The following TMC1 variants were observed in gnomAD, a reference collection of about 807,000 sequenced individuals.
TMC1 encodes transmembrane channel-like protein 1.
TMC1 carries 84 observed loss-of-function variants against 105.8 expected under a neutral mutation model. The observed-to-expected ratio is 0.79, with a 90% CI of 0.67 to 0.95. The LOEUF (loss-of-function observed/expected upper bound fraction) is 0.95. Ranked by LOEUF, TMC1 falls within the 40% of genes least tolerant of loss-of-function variation. The probability of loss-of-function intolerance (pLI) is 0.00; values close to 1 mark genes in which losing one functional copy is unlikely to be tolerated. For synonymous variants in TMC1, 315 were observed against 311.5 expected, an observed-to-expected ratio of 1.01 and a Z score of -0.12; for missense variants, 817 against 914.1, an observed-to-expected ratio of 0.89 and a Z score of 1.37.
At chr9:72,686,147 A>G (rs111677447) in intron 5 of TMC1, among the ~76,000 whole-genome samples, 4 of 152,278 alleles carry the variant, frequency 2.6e-5, no homozygotes, top group African/African-American at 9.6e-5. Context: ...ACATACTTCA[A>G]TGCAGTTTTG....
intron 1 of TMC1, among the ~76,000 whole-genome samples, chr9:72,522,926 T>TA (rs1823340605): frequency 6.6e-6 from 1 of 152,202 alleles, no homozygotes; most frequent in Non-Finnish European, 1.5e-5. Flanking sequence ...GTAGGATGTT[T>TA]AGCAGCATCC....
Position 72,688,825 on chromosome 9 carries a change from CT to C in TMC1, c.64+71del. The stretch of plus-strand genomic sequence containing the variant: ...CCAGTAAACTCAAAGAATTTATCCT[CT>C]TGTGGACTTGAGCTACCATATGTAA... On this transcript the variant is annotated intron_variant, in intron 6 of 23. Coordinates refer to ENST00000297784, the MANE Select transcript of TMC1 (RefSeq NM_138691.3). 3.0e-6 allele frequency: 4 copies of C among 1,311,988 alleles called. No homozygotes were observed. The South Asian group carries it at 4.9e-5, about 16-fold the overall frequency. 81.3% of individuals were successfully genotyped at this position (1,311,988 alleles called of 1,614,324 possible). A position where few individuals can be genotyped will look rare whatever the true frequency, so the allele number is the denominator to read the frequency against.
chr9:72,786,179 C>T (rs1005476440), intron 13 of TMC1, among the ~76,000 whole-genome samples: 5 of 152,194 alleles, frequency 3.3e-5, no homozygotes, highest in African/African-American at 9.7e-5. Flanking sequence ...GGCGCGGTGG[C>T]TCACGCCTGT....
chr9:72,603,603 A>T (rs138293833), intron 2 of TMC1, among the ~76,000 whole-genome samples: 45 of 152,144 alleles, frequency 3.0e-4, no homozygotes, highest in East Asian at 2.9e-3. Flanking sequence ...TCTGTTGCCC[A>T]CAGTGGCGCG....
intron 8 of TMC1, among the ~76,000 whole-genome samples, chr9:72,725,938 C>A (rs987369669): frequency 1.3e-5 from 2 of 152,156 alleles, no homozygotes; most frequent in African/African-American, 4.8e-5. Context: ...GATCCACCCG[C>A]CTCAGCCTCC....
At chr9:72,696,849 T>A (rs189148190) in intron 7 of TMC1, among the ~76,000 whole-genome samples, 69 of 152,298 alleles carry the variant, frequency 4.5e-4, no homozygotes, top group African/African-American at 1.7e-3. Context: ...ATATCAAACT[T>A]AAGATAGAAA....
At chr9:72,566,095 C>T (rs1308663042) in intron 1 of TMC1, among the ~76,000 whole-genome samples, 1 of 152,188 alleles carries the variant, frequency 6.6e-6, no homozygotes, top group African/African-American at 2.4e-5. Context: ...AATGGCATGA[C>T]CATAGCTCAT....
chr9:72,554,726 G>A (rs1481889489), intron 1 of TMC1, among the ~76,000 whole-genome samples: 1 of 152,026 alleles, frequency 6.6e-6, no homozygotes, highest in African/African-American at 2.4e-5. Flanking sequence ...AAAATAAGGG[G>A]GTTGGATCGT....
chr9:72,653,507 T>C (rs990291833), intron 5 of TMC1, among the ~76,000 whole-genome samples: 10 of 152,220 alleles, frequency 6.6e-5, no homozygotes, highest in Non-Finnish European at 1.3e-4. Flanking sequence ...TGTTGATACA[T>C]CTAACAATGT....
intron 12 of TMC1, among the ~76,000 whole-genome samples, chr9:72,767,354 G>T: frequency 6.6e-6 from 1 of 152,292 alleles, no homozygotes; most frequent in East Asian, 1.9e-4. Flanking sequence ...GGGATAGAGT[G>T]TTATCTTTCA....
Position 72,772,557 on chromosome 9 carries a change from T to C in TMC1, c.884+2T>C. 6.2e-7 allele frequency: 1 copy of C among 1,613,810 alleles called. No individual in the cohort carries two copies. Among genetic ancestry groups the C allele is most frequent in the Non-Finnish European group, 8.5e-7 (1 of 1,179,718 alleles). ...CAGCTTTCTGGTTGTCCTCAAAGCG[T>C]AAGTTTCATTTGTCTTTTGGGAAGC... is the stretch of plus-strand genomic sequence containing the variant. On this transcript the variant is annotated splice_donor_variant, in intron 13 of 23. Transcript: ENST00000297784. LOFTEE classifies it high-confidence loss of function.
At chr9:72,589,958 C>A (rs1034576640) in intron 2 of TMC1, among the ~76,000 whole-genome samples, 1 of 152,100 alleles carries the variant, frequency 6.6e-6, no homozygotes, top group African/African-American at 2.4e-5. Flanking sequence ...TCCAATGTTG[C>A]CCCTGTGTTT....
chr9:72,813,146 T>C (rs1402304811), intron 18 of TMC1, among the ~76,000 whole-genome samples: 1 of 152,162 alleles, frequency 6.6e-6, no homozygotes, highest in African/African-American at 2.4e-5. Flanking sequence ...TTCAAGAGAA[T>C]CTGTTTTTTT....
intron 12 of TMC1, among the ~76,000 whole-genome samples, chr9:72,758,454 A>C (rs906948882): frequency 7.2e-5 from 11 of 152,240 alleles, no homozygotes; most frequent in Non-Finnish European, 1.5e-4. Context: ...AAAAGAATAA[A>C]GCCAAGTAGT....
At chr9:72,710,607 A>T (rs1160752422) in intron 8 of TMC1, among the ~76,000 whole-genome samples, 1 of 151,902 alleles carries the variant, frequency 6.6e-6, no homozygotes, top group African/African-American at 2.4e-5. Context: ...CCCTCTTTGT[A>T]TTTTTTAACT....
intron 10 of TMC1, 81 bp downstream of exon 10, chr9:72,742,606 TCTGGA>T: frequency 8.3e-7 from 1 of 1,211,790 alleles, no homozygotes; most frequent in Non-Finnish European, 1.2e-6. Flanking sequence ...TTTGTCAGTT[TCTGGA>T]CTTTTGGGAA....
chr9:72,715,327 G>A (rs1826899421), intron 8 of TMC1, among the ~76,000 whole-genome samples: 3 of 152,126 alleles, frequency 2.0e-5, no homozygotes, highest in African/African-American at 7.2e-5. Flanking sequence ...GCTTGGGGAA[G>A]TTCTCCTGGA....
rs866775723 is a variant in TMC1, at chr9:72,604,549, C to T, written c.-305-11819C>T. ...CAGTTTTCCTGCACTTACCACCATC[C>T]GGCATGTTATATATTTTACTTATTT... On this transcript the variant is annotated intron_variant, in intron 2 of 23. Coordinates refer to ENST00000297784, the MANE Select transcript of TMC1 (RefSeq NM_138691.3). Among the ~76,000 whole-genome samples the T allele has an allele frequency of 1.6e-4, 24 of 152,276 alleles. No homozygotes were observed. In the East Asian group the frequency reaches 2.1e-3, roughly 13 times the overall value.
intron 8 of TMC1, among the ~76,000 whole-genome samples, chr9:72,727,909 G>A (rs1827149035): frequency 6.6e-6 from 1 of 152,020 alleles, no homozygotes; most frequent in Non-Finnish European, 1.5e-5. Flanking sequence ...TTTTCATAGA[G>A]CTTAAAGAGA....
Sources: allele counts gnomAD v4.1 joint callset (sites outside exome capture counted in the v4.1 genomes callset), GRCh38; gene constraint gnomAD v4.1.1; transcripts MANE v1.5; gene names NCBI Gene and HGNC (gene_info 2026-07-23, HGNC 2026-07-21).